Variants in THSD7A observed in about 807,000 individuals in gnomAD.
The protein encoded by THSD7A is thrombospondin type-1 domain-containing protein 7A.
A neutral mutation model predicts 231.3 loss-of-function variants in THSD7A; 96 were observed. The ratio of observed to expected loss-of-function variants is 0.41; its 90% CI spans 0.35 to 0.49. THSD7A has a LOEUF of 0.49. Among genes scored for constraint, THSD7A ranks in the 20% least tolerant of loss-of-function variants. THSD7A has a pLI of 0.05. For missense variants in THSD7A, 2,290 were observed against 2,070.2 expected (o/e 1.11, Z -2.06); for synonymous variants, 940 against 743.3 (o/e 1.26, Z -4.30).
rs573421745 is a variant in THSD7A at position 11,700,663 on chromosome 7, C to A, written c.191-63702G>T. On this transcript the variant is annotated intron_variant, in intron 1 of 27. Transcript: ENST00000423059. The stretch of plus-strand genomic sequence containing the variant: ...AGATGAAGAACTAAATCATCTCTCA[C>A]AATCATGTCTAAAAATTGTAACAAT... 1.5e-4 allele frequency among the ~76,000 whole-genome samples: 23 copies of A among 151,274 alleles called. No individual in the cohort carries two copies. In the East Asian group the frequency reaches 4.5e-3, roughly 30 times the overall value.
At chr7:11,429,458 T>C (rs1021137528) in intron 13 of THSD7A, among the ~76,000 whole-genome samples, 2 of 152,210 alleles carry the variant, frequency 1.3e-5, no homozygotes, top group Non-Finnish European at 2.9e-5. Flanking sequence ...GAATGATACA[T>C]TAAAAAATTA....
At chr7:11,671,515 G>C (rs563166004) in intron 1 of THSD7A, among the ~76,000 whole-genome samples, 1 of 152,150 alleles carries the variant, frequency 6.6e-6, no homozygotes, top group Admixed American at 6.6e-5. Flanking sequence ...ATTATTTATT[G>C]TAATTTGCAG....
intron 23 of THSD7A, among the ~76,000 whole-genome samples, chr7:11,398,587 GTTC>G (rs1432435509): frequency 6.6e-6 from 1 of 152,032 alleles, no homozygotes; most frequent in Non-Finnish European, 1.5e-5. Flanking sequence ...AAAAGAATAT[GTTC>G]TTATAAAAAA....
At chr7:11,721,948 C>T (rs1781369720) in intron 1 of THSD7A, among the ~76,000 whole-genome samples, 1 of 151,836 alleles carries the variant, frequency 6.6e-6, no homozygotes, top group African/African-American at 2.4e-5. Context: ...GCACCCCTTC[C>T]CAATTCCTTT....
At chr7:11,392,186 T>A (rs1783007761) in intron 23 of THSD7A, among the ~76,000 whole-genome samples, 2 of 151,998 alleles carry the variant, frequency 1.3e-5, no homozygotes, top group Admixed American at 1.3e-4. Context: ...CATTTCCAAC[T>A]GAGGTACCTG....
chr7:11,500,848 T>A (rs1490742621), intron 6 of THSD7A, among the ~76,000 whole-genome samples: 3 of 151,388 alleles, frequency 2.0e-5, no homozygotes, highest in Non-Finnish European at 4.4e-5. Context: ...AGGCAGAGAA[T>A]TGCTTGAATC....
intron 6 of THSD7A, among the ~76,000 whole-genome samples, chr7:11,497,497 C>T (rs1250759813): frequency 6.6e-6 from 1 of 152,094 alleles, no homozygotes. Context: ...GTAGTTCAAA[C>T]AAAGCCAATT....
intron 1 of THSD7A, among the ~76,000 whole-genome samples, chr7:11,771,432 AAAAT>A (rs1413696880): frequency 1.3e-5 from 2 of 152,154 alleles, no homozygotes; most frequent in Non-Finnish European, 2.9e-5. Context: ...AAATAAATAG[AAAAT>A]AAATAAAGCC....
intron 17 of THSD7A, among the ~76,000 whole-genome samples, chr7:11,415,511 A>T (rs1783930206): frequency 6.6e-6 from 1 of 152,202 alleles, no homozygotes; most frequent in Non-Finnish European, 1.5e-5. Flanking sequence ...TTCAGAACAA[A>T]AACAAGAGGA....
chr7:11,425,610 A>T (rs1784292075), intron 15 of THSD7A, among the ~76,000 whole-genome samples: 2 of 152,172 alleles, frequency 1.3e-5, no homozygotes, highest in South Asian at 4.2e-4. Flanking sequence ...AATGAGAAGA[A>T]TGACTAAATA....
At chr7:11,425,592 CT>C (rs1187865496) in intron 15 of THSD7A, among the ~76,000 whole-genome samples, 1 of 151,824 alleles carries the variant, frequency 6.6e-6, no homozygotes, top group Non-Finnish European at 1.5e-5. Flanking sequence ...CAATTATGTT[CT>C]TTTTTCAATG....
At chr7:11,394,208 A>G (rs150244443) in intron 23 of THSD7A, among the ~76,000 whole-genome samples, 475 of 152,370 alleles carry the variant, frequency 3.1e-3, no homozygotes, top group African/African-American at 0.011. Flanking sequence ...TTGGGATCCA[A>G]TATTCAACAT....
chr7:11,701,323 T>C (rs1328602703), intron 1 of THSD7A, among the ~76,000 whole-genome samples: 1 of 151,222 alleles, frequency 6.6e-6, no homozygotes, highest in Non-Finnish European at 1.5e-5. Context: ...ATTTCCAATA[T>C]GTAGATCTTT....
intron 1 of THSD7A, among the ~76,000 whole-genome samples, chr7:11,743,539 GTTAC>G (rs1405695686): frequency 4.6e-5 from 7 of 151,872 alleles, no homozygotes; most frequent in African/African-American, 1.7e-4. Flanking sequence ...TTTCTTTTCA[GTTAC>G]TTCATTTTAA....
At chr7:11,453,038 TC>T (rs773850881) in intron 11 of THSD7A, among the ~76,000 whole-genome samples, 1 of 151,880 alleles carries the variant, frequency 6.6e-6, no homozygotes, top group South Asian at 2.1e-4. Context: ...ATTGAAGAAC[TC>T]TCTTTTGACA....
intron 4 of THSD7A, among the ~76,000 whole-genome samples, chr7:11,554,591 GACTA>G (rs1232867264): frequency 6.6e-6 from 1 of 151,940 alleles, no homozygotes; most frequent in Non-Finnish European, 1.5e-5. Flanking sequence ...GAATTACATT[GACTA>G]ACTTTTTAAT....
chr7:11,812,824 C>A (rs148837614), intron 1 of THSD7A, among the ~76,000 whole-genome samples: 1 of 152,050 alleles, frequency 6.6e-6, no homozygotes, highest in African/African-American at 2.4e-5. Context: ...ACAGACACCA[C>A]GATATATGTC....
chr7:11,501,056 T>C (rs252998), intron 6 of THSD7A, among the ~76,000 whole-genome samples: 36,880 of 149,008 alleles, frequency 0.25, 4,675 homozygotes, highest in African/African-American at 0.33. Context: ...ATGGTAAAGG[T>C]TTCAATTCAA....
intron 1 of THSD7A, among the ~76,000 whole-genome samples, chr7:11,664,302 C>G (rs1452432994): frequency 6.6e-6 from 1 of 151,854 alleles, no homozygotes; most frequent in Non-Finnish European, 1.5e-5. Context: ...GTGCGAATAA[C>G]AGATGGCTGG....
Sources: gnomAD v4.1 joint callset for allele counts (sites outside exome capture counted in the v4.1 genomes callset) on GRCh38, gnomAD v4.1.1 for gene constraint, MANE v1.5 for transcripts, NCBI Gene and HGNC (gene_info 2026-07-23, HGNC 2026-07-21) for gene names.